LRRC4C: variants seen among roughly 807,000 people sequenced by gnomAD.
The protein encoded by LRRC4C is leucine-rich repeat-containing protein 4C.
A neutral mutation model predicts 33.6 loss-of-function variants in LRRC4C; 5 were observed. The observed-to-expected ratio is 0.15, with a 90% CI of 0.08 to 0.31. The LOEUF is 0.31. LRRC4C is among the 10% of genes least tolerant of loss of function. The pLI, the probability that LRRC4C is intolerant of heterozygous loss-of-function variation, is 1.00. For synonymous variants in LRRC4C, 329 were observed against 302.0 expected (o/e 1.09, Z -0.93); for missense variants, 560 against 796.7 (o/e 0.70, Z 3.58).
intron 1 of LRRC4C, among the ~76,000 whole-genome samples, chr11:41,178,507 C>A (rs1203444353): frequency 6.6e-6 from 1 of 152,092 alleles, no homozygotes; most frequent in Non-Finnish European, 1.5e-5. Flanking sequence ...GGGTGCACCA[C>A]CAGGTCTGGC....
At chr11:41,376,807 A>C (rs1952951993) in intron 1 of LRRC4C, among the ~76,000 whole-genome samples, 1 of 152,116 alleles carries the variant, frequency 6.6e-6, no homozygotes, top group African/African-American at 2.4e-5. Context: ...AGGTGATTTT[A>C]AAAATTTATA....
At chr11:41,212,120 T>C (rs991489956) in intron 1 of LRRC4C, among the ~76,000 whole-genome samples, 17 of 152,306 alleles carry the variant, frequency 1.1e-4, no homozygotes, top group South Asian at 4.2e-4. Flanking sequence ...AGTTATAAGG[T>C]CCTGGCATCA....
At chr11:40,167,069 C>A (rs898949118) in intron 5 of LRRC4C, among the ~76,000 whole-genome samples, 1 of 152,140 alleles carries the variant, frequency 6.6e-6, no homozygotes, top group Non-Finnish European at 1.5e-5. Flanking sequence ...ACAATTAAAG[C>A]ACTTCCAATG....
At chr11:41,093,272 C>T (rs1011159484) in intron 1 of LRRC4C, among the ~76,000 whole-genome samples, 12 of 152,182 alleles carry the variant, frequency 7.9e-5, no homozygotes, top group African/African-American at 2.9e-4. Flanking sequence ...AAGTCTAATA[C>T]TTACACTGAT....
At chr11:40,205,395 C>T (rs1207801347) in intron 5 of LRRC4C, among the ~76,000 whole-genome samples, 1 of 152,028 alleles carries the variant, frequency 6.6e-6, no homozygotes, top group African/African-American at 2.4e-5. Context: ...GGAAAGGATA[C>T]CAAGACTTGG....
intron 1 of LRRC4C, among the ~76,000 whole-genome samples, chr11:41,351,702 T>G (rs1331844133): frequency 6.6e-6 from 1 of 152,216 alleles, no homozygotes; most frequent in African/African-American, 2.4e-5. Context: ...GCAACATGCA[T>G]TAATGCATTA....
At chr11:40,848,499 G>A (rs891454754) in intron 2 of LRRC4C, among the ~76,000 whole-genome samples, 3 of 152,154 alleles carry the variant, frequency 2.0e-5, no homozygotes. Flanking sequence ...TTGCACTGAG[G>A]TCTGAGAGTC....
At chr11:41,445,805 T>C (rs1226430979) in intron 1 of LRRC4C, among the ~76,000 whole-genome samples, 1 of 151,754 alleles carries the variant, frequency 6.6e-6, no homozygotes, top group Non-Finnish European at 1.5e-5. Context: ...TTTTTTTCTT[T>C]CTTCAAATGA....
chr11:41,243,731 C>T, intron 1 of LRRC4C, among the ~76,000 whole-genome samples: 1 of 152,102 alleles, frequency 6.6e-6, no homozygotes, highest in East Asian at 1.9e-4. Context: ...ATGGAGCAAT[C>T]ATCTAGGAGA....
At chr11:40,678,641 A>G (rs1944528015) in intron 2 of LRRC4C, among the ~76,000 whole-genome samples, 1 of 151,996 alleles carries the variant, frequency 6.6e-6, no homozygotes, top group African/African-American at 2.4e-5. Flanking sequence ...GTTTCACAAG[A>G]TCTGATAGTT....
intron 4 of LRRC4C, among the ~76,000 whole-genome samples, chr11:40,274,786 T>C (rs998931869): frequency 2.0e-5 from 3 of 152,108 alleles, no homozygotes; most frequent in Non-Finnish European, 4.4e-5. Context: ...CATAGAGTGC[T>C]ACAACCAGAG....
At chr11:41,339,823 C>G (rs1461057165) in intron 1 of LRRC4C, among the ~76,000 whole-genome samples, 2 of 152,076 alleles carry the variant, frequency 1.3e-5, no homozygotes, top group Non-Finnish European at 2.9e-5. Context: ...AGAATTTTTA[C>G]AGATAACATC....
At chr11:40,527,626 T>G (rs916021785) in intron 3 of LRRC4C, among the ~76,000 whole-genome samples, 1 of 152,160 alleles carries the variant, frequency 6.6e-6, no homozygotes, top group Non-Finnish European at 1.5e-5. Flanking sequence ...GAGTCCCAAG[T>G]TTCCAAGGAA....
intron 1 of LRRC4C, among the ~76,000 whole-genome samples, chr11:41,294,312 G>C (rs560184550): frequency 9.9e-5 from 15 of 152,202 alleles, no homozygotes; most frequent in Non-Finnish European, 2.1e-4. Flanking sequence ...CAGAGTGTGA[G>C]AGAAAAGGAC....
At chr11:40,888,087 T>C (rs1955543987) in intron 2 of LRRC4C, among the ~76,000 whole-genome samples, 1 of 151,986 alleles carries the variant, frequency 6.6e-6, no homozygotes, top group African/African-American at 2.4e-5. Flanking sequence ...AACATATGTC[T>C]CATTTCATTT....
intron 1 of LRRC4C, among the ~76,000 whole-genome samples, chr11:40,960,176 G>T (rs1337550474): frequency 6.6e-6 from 1 of 151,524 alleles, no homozygotes; most frequent in Non-Finnish European, 1.5e-5. Context: ...TAATAAGCAT[G>T]CAAGCTTCTG....
Position 40,711,349 on chromosome 11 carries a change from C to T in LRRC4C, c.-406-63071G>A, listed in dbSNP as rs1200182279. On this transcript the variant is annotated intron_variant, in intron 2 of 6. Transcript: ENST00000528697. ...GGAATGGACCGAACCTCAGATTTTA[C>T]AACACCCAAGTCCATGACCTTATTT... is the stretch of plus-strand genomic sequence containing the variant. 9.9e-5 allele frequency among the ~76,000 whole-genome samples: 15 copies of T among 152,264 alleles called. No individual in the cohort carries two copies. The East Asian group carries it at 2.7e-3, about 27-fold the overall frequency.
intron 3 of LRRC4C, among the ~76,000 whole-genome samples, chr11:40,473,356 T>G (rs1050801086): frequency 6.6e-6 from 1 of 152,098 alleles, no homozygotes; most frequent in Non-Finnish European, 1.5e-5. Context: ...AAAAACCACA[T>G]GATTATCTCA....
At chr11:40,646,654 C>G (rs534948940) in intron 3 of LRRC4C, among the ~76,000 whole-genome samples, 140 of 152,260 alleles carry the variant, frequency 9.2e-4, no homozygotes, top group Admixed American at 1.6e-3. Context: ...CCGCCCAGGC[C>G]GGACTGCAGT....
Sources: allele counts gnomAD v4.1 joint callset (sites outside exome capture counted in the v4.1 genomes callset), GRCh38; gene constraint gnomAD v4.1.1; transcripts MANE v1.5; gene names NCBI Gene and HGNC (gene_info 2026-07-23, HGNC 2026-07-21).